Variants in RHEX observed in about 807,000 individuals in gnomAD.
The protein encoded by RHEX is regulator of hemoglobinization and erythroid cell expansion.
Under a neutral mutation model 20.1 loss-of-function variants are expected in RHEX, and 18 were observed. The ratio of observed to expected loss-of-function variants is 0.90; its 90% confidence interval spans 0.62 to 1.33. RHEX has a LOEUF of 1.33. RHEX is among the 40% of genes most tolerant of loss of function. RHEX has a pLI of 0.00. For missense variants in RHEX, 192 were observed against 214.3 expected (o/e 0.90, Z 0.65); for synonymous variants, 87 against 77.1 (o/e 1.13, Z -0.67).
intron 1 of RHEX, among the ~76,000 whole-genome samples, chr1:206,065,625 T>A (rs1662407449): frequency 6.6e-6 from 1 of 152,166 alleles, no homozygotes; most frequent in South Asian, 2.1e-4. Context: ...TAGGGAGATG[T>A]CTAATGGGCA....
chr1:206,100,110 T>A (rs1428907581), intron 4 of RHEX, among the ~76,000 whole-genome samples: 1 of 152,202 alleles, frequency 6.6e-6, no homozygotes, highest in Non-Finnish European at 1.5e-5. Flanking sequence ...TTCTTCGGAT[T>A]GATCAGCTAA....
rs559756680 is a variant in RHEX at position 206,071,039 on chromosome 1, G to A, written c.-97+17774G>A. On this transcript the variant is annotated intron_variant, in intron 1 of 5. Transcript: ENST00000331555. Reference sequence around the variant, plus strand: ...GGAGTATTGACTCACACGATCACAAGGTGAAGTCTCACAATAGGCCATCTG... The same window carrying A: ...GGAGTATTGACTCACACGATCACAAAGTGAAGTCTCACAATAGGCCATCTG... Among the ~76,000 whole-genome samples the A allele has an allele frequency of 2.0e-5, 3 of 152,256 alleles. No individual in the cohort carries two copies. In the South Asian group the frequency reaches 6.2e-4, roughly 32 times the overall value.
rs1036374902 is a variant in RHEX at position 206,099,699 on chromosome 1, C to T, written c.157C>T (p.Pro53Ser). 3 of 1,613,912 alleles carry T rather than the reference C, an allele frequency of 1.9e-6. No homozygotes were observed. Among genetic ancestry groups the T allele is most frequent in the Non-Finnish European group, 1.7e-6 (2 of 1,179,906 alleles). The change falls in exon 4 of 6, where the codon CCC (proline) becomes TCC (serine). Residue 53 changes from proline to serine, a missense_variant. By Grantham distance (74) the Pro-to-Ser change is moderately conservative. Transcript: ENST00000331555. ...QILKAASLQV[P>S]RPSPGHHHPP... ...ACTGAAAGCGGCCAGTCTCCAGGTT[C>T]CCAGGCCCAGCCCTGGCCACCATCA...
At chr1:206,082,243 C>T (rs1196515214) in intron 1 of RHEX, among the ~76,000 whole-genome samples, 3 of 152,076 alleles carry the variant, frequency 2.0e-5, no homozygotes, top group African/African-American at 4.8e-5. Context: ...AGCGGCTGGG[C>T]GCTGTGGCTC....
In RHEX at chr1:206,102,250, GT is replaced by G. The variant is rs1663207358; in HGVS notation, c.*299del. ...ATCAGATGTTAGGAAGAACTTTCAGGTAAAGTATGAGAACTATGGAGTCCAT... is the reference window on the plus strand; with the variant it reads ...ATCAGATGTTAGGAAGAACTTTCAGGAAAGTATGAGAACTATGGAGTCCAT... On this transcript the variant is annotated 3_prime_UTR_variant, in exon 6 of 6. Transcript: ENST00000331555. 4.8e-6 allele frequency: 2 copies of G among 420,776 alleles called. No individual in the cohort carries two copies. 26.1% of individuals were successfully genotyped at this position (420,776 alleles called of 1,614,324 possible).
At chr1:206,101,284 C>T (rs1553288357) in intron 5 of RHEX, 87 bp downstream of exon 5, 1 of 1,044,930 alleles carries the variant, frequency 9.6e-7, no homozygotes, top group Admixed American at 2.2e-5. Context: ...GTTACCCCAG[C>T]TATGTAGTGG....
chr1:206,083,842 G>A (rs970776048), intron 1 of RHEX, among the ~76,000 whole-genome samples: 1 of 152,174 alleles, frequency 6.6e-6, no homozygotes, highest in Non-Finnish European at 1.5e-5. Context: ...TCTTGTGCCT[G>A]AGACCTGACA....
At chr1:206,095,126 G>A (rs140478992) in intron 1 of RHEX, among the ~76,000 whole-genome samples, 2 of 151,892 alleles carry the variant, frequency 1.3e-5, no homozygotes, top group African/African-American at 2.4e-5. Context: ...AGATACTACC[G>A]AGAAACACTG....
At chr1:206,073,637 C>T (rs931451511) in intron 1 of RHEX, among the ~76,000 whole-genome samples, 5 of 152,044 alleles carry the variant, frequency 3.3e-5, no homozygotes, top group Admixed American at 2.0e-4. Flanking sequence ...ACATCTGAAA[C>T]GAAAGTATCC....
intron 1 of RHEX, chr1:206,083,780 A>G: frequency 3.3e-6 from 1 of 300,376 alleles, no homozygotes. Flanking sequence ...GCGGAATTCC[A>G]CTTGCAATCA....
chr1:206,083,864 TAGCAACAGC>T (rs1394274786), intron 1 of RHEX, among the ~76,000 whole-genome samples: 4 of 152,180 alleles, frequency 2.6e-5, no homozygotes, highest in African/African-American at 9.7e-5. Flanking sequence ...CTGTCTACAC[TAGCAACAGC>T]AGCCATTGGG....
intron 1 of RHEX, among the ~76,000 whole-genome samples, chr1:206,059,270 C>T (rs149470666): frequency 1.1e-3 from 171 of 152,182 alleles, no homozygotes; most frequent in African/African-American, 4.0e-3. Flanking sequence ...CAGTAGCTGT[C>T]AAAGGGAAAC....
chr1:206,074,024 G>C (rs902291637), intron 1 of RHEX, among the ~76,000 whole-genome samples: 1 of 152,022 alleles, frequency 6.6e-6, no homozygotes, highest in Non-Finnish European at 1.5e-5. Context: ...TCACTGCCTC[G>C]TACCCGCTCC....
chr1:206,091,442 AT>A (rs1210418433), intron 1 of RHEX, among the ~76,000 whole-genome samples: 2 of 152,178 alleles, frequency 1.3e-5, no homozygotes, highest in Admixed American at 1.3e-4. Flanking sequence ...CTGACTTACT[AT>A]TCTTTATTAT....
At chr1:206,083,934 A>T (rs1279867251) in intron 1 of RHEX, among the ~76,000 whole-genome samples, 4 of 152,192 alleles carry the variant, frequency 2.6e-5, no homozygotes, top group African/African-American at 9.7e-5. Flanking sequence ...ACTGGTTCCA[A>T]ATCCTCACTC....
intron 1 of RHEX, among the ~76,000 whole-genome samples, chr1:206,073,554 G>T (rs1449520583): frequency 6.6e-6 from 1 of 152,132 alleles, no homozygotes; most frequent in Non-Finnish European, 1.5e-5. Context: ...CAATAAGGTG[G>T]AAGGGCCTGT....
intron 1 of RHEX, among the ~76,000 whole-genome samples, chr1:206,066,904 A>G (rs1476271790): frequency 1.3e-5 from 2 of 152,260 alleles, no homozygotes; most frequent in African/African-American, 2.4e-5. Context: ...ATAAGGCACA[A>G]AGCCACTTTG....
At chr1:206,074,232 C>T (rs1420544399) in intron 1 of RHEX, among the ~76,000 whole-genome samples, 1 of 152,204 alleles carries the variant, frequency 6.6e-6, no homozygotes, top group Non-Finnish European at 1.5e-5. Flanking sequence ...ATAAAAAATT[C>T]ATCACACCTC....
Position 206,099,760 on chromosome 1 carries a change from CAG to C in RHEX, c.226_227del (p.Asp76HisfsTer5). 2 of 1,614,084 alleles carry C rather than the reference CAG, an allele frequency of 1.2e-6. No individual in the cohort carries two copies. The highest frequency in any genetic ancestry group is 1.7e-6 in the Non-Finnish European group (2 of 1,179,968). On this transcript the variant is annotated frameshift_variant, in exon 4 of 6. Transcript: ENST00000331555. LOFTEE classifies it high-confidence loss of function. Reference sequence around the variant, plus strand: ...GTCAAAGAGATGAAGGAGACTCAGACAGAGAGAGACATCCCAATGTCTGATTC... The same window carrying C: ...GTCAAAGAGATGAAGGAGACTCAGACAGAGAGACATCCCAATGTCTGATTC...
Sources: gnomAD v4.1 joint callset for allele counts (sites outside exome capture counted in the v4.1 genomes callset) on GRCh38, gnomAD v4.1.1 for gene constraint, MANE v1.5 for transcripts, NCBI Gene and HGNC (gene_info 2026-07-23, HGNC 2026-07-21) for gene names.